MED15: variants seen among roughly 807,000 people sequenced by gnomAD.
MED15 encodes mediator of RNA polymerase II transcription subunit 15.
Under a neutral mutation model 118.7 loss-of-function variants are expected in MED15, and 41 were observed. That is an observed-to-expected ratio of 0.35 (90% CI 0.27 to 0.45). MED15 has a LOEUF of 0.45. Ranked by LOEUF, MED15 falls within the 20% of genes least tolerant of loss-of-function variation. The pLI is 1.00. For synonymous variants in MED15, 436 were observed against 413.9 expected, an observed-to-expected ratio of 1.05 and a Z score of -0.65; for missense variants, 740 against 1,025.5, an observed-to-expected ratio of 0.72 and a Z score of 3.80.
chr22:20,575,354 C>A, intron 9 of MED15, 122 bp downstream of exon 9: 2 of 1,264,358 alleles, frequency 1.6e-6, no homozygotes, highest in South Asian at 1.7e-5. Context: ...TTCAGAGTGC[C>A]AAACCCACAG....
chr22:20,535,535 C>T (rs2146436873), intron 1 of MED15, among the ~76,000 whole-genome samples: 1 of 151,948 alleles, frequency 6.6e-6, no homozygotes, highest in South Asian at 2.1e-4. Context: ...GACATGTTTG[C>T]TTGTTTCTTT....
chr22:20,583,079 G>A (rs545787451), intron 11 of MED15, 34 bp from the exon 12 acceptor site: 70 of 1,562,094 alleles, frequency 4.5e-5, no homozygotes, highest in South Asian at 7.0e-5. Flanking sequence ...CCCGAGGGTC[G>A]AGGGCTGTGG....
At chr22:20,556,475 T>A (rs1014826958) in intron 5 of MED15, among the ~76,000 whole-genome samples, 8 of 152,090 alleles carry the variant, frequency 5.3e-5, no homozygotes, top group African/African-American at 1.9e-4. Flanking sequence ...TAATTTTATA[T>A]TTTTAGTGGA....
intron 6 of MED15, 108 bp from the exon 7 acceptor site, chr22:20,566,359 C>A: frequency 6.4e-7 from 1 of 1,550,668 alleles, no homozygotes; most frequent in Non-Finnish European, 8.7e-7. Flanking sequence ...TTCTTGATGG[C>A]TCTGCAGATG....
chr22:20,560,261 C>CTATTATTAT lies in MED15; in HGVS notation c.452-4174_452-4166dup, dbSNP rs141805630. ...TTCCAAGCACTATTTCATTTCTTTTCTATTATTATTATTATTATTATTAAG... is the reference window on the plus strand; with the variant it reads ...TTCCAAGCACTATTTCATTTCTTTTCTATTATTATTATTATTATTATTATTATTATTAAG... On this transcript the variant is annotated intron_variant, in intron 5 of 17. Coordinates refer to ENST00000263205, the MANE Select transcript of MED15 (RefSeq NM_001003891.3). Among the ~76,000 whole-genome samples the CTATTATTAT allele has an allele frequency of 1.2e-3, 182 of 151,428 alleles. 2 individuals are homozygous for CTATTATTAT. Among genetic ancestry groups the CTATTATTAT allele is most frequent in the East Asian group, 8.6e-3 (44 of 5,104 alleles).
At chr22:20,558,491 G>T (rs1193159717) in intron 5 of MED15, among the ~76,000 whole-genome samples, 1 of 152,126 alleles carries the variant, frequency 6.6e-6, no homozygotes, top group Non-Finnish European at 1.5e-5. Flanking sequence ...TTCACTCTGC[G>T]CATTTTTGTT....
rs1046198236 is a variant in MED15 at position 20,507,649 on chromosome 22, G to A, written c.-30G>A. 1.9e-6 allele frequency: 3 copies of A among 1,613,694 alleles called. No individual in the cohort carries two copies. The highest frequency in any genetic ancestry group is 2.5e-6 in the Non-Finnish European group (3 of 1,179,734). On this transcript the variant is annotated 5_prime_UTR_variant, in exon 1 of 18. Transcript: ENST00000263205. ...GGCGGCGGCGGTGGCGGCCAAGCGG[G>A]ATACGGGCGGCGGGAGCTGGGGAAC...
chr22:20,585,371 T>C, intron 16 of MED15, 104 bp downstream of exon 16: 1 of 1,439,012 alleles, frequency 6.9e-7, no homozygotes, highest in East Asian at 2.3e-5. Flanking sequence ...GAACCCACCC[T>C]GTGTTCACGC....
chr22:20,570,466 ACTGCAACTT>A (rs1327144369), intron 8 of MED15, among the ~76,000 whole-genome samples: 1 of 146,766 alleles, frequency 6.8e-6, no homozygotes, highest in Non-Finnish European at 1.5e-5. Context: ...ATCTCGGCTC[ACTGCAACTT>A]CTGCCTCCTG....
chr22:20,555,820 C>G (rs949822854), intron 5 of MED15, among the ~76,000 whole-genome samples: 1 of 152,254 alleles, frequency 6.6e-6, no homozygotes, highest in African/African-American at 2.4e-5. Flanking sequence ...ATCCTGGGCT[C>G]AGGTGATCCT....
intron 4 of MED15, among the ~76,000 whole-genome samples, chr22:20,553,654 G>C (rs760381798): frequency 6.6e-6 from 1 of 152,084 alleles, no homozygotes; most frequent in African/African-American, 2.4e-5. Context: ...AGGCAGATCA[G>C]TTGAGGTCAG....
chr22:20,572,440 C>T (rs904867030), intron 8 of MED15, among the ~76,000 whole-genome samples: 1 of 152,246 alleles, frequency 6.6e-6, no homozygotes, highest in Non-Finnish European at 1.5e-5. Context: ...CCCTGTCAGG[C>T]CCTTGCAGTA....
At chr22:20,559,772 T>TC (rs1414434390) in intron 5 of MED15, among the ~76,000 whole-genome samples, 1 of 152,224 alleles carries the variant, frequency 6.6e-6, no homozygotes, top group African/African-American at 2.4e-5. Flanking sequence ...AAACCTAGCC[T>TC]TAGAGACCAT....
intron 1 of MED15, among the ~76,000 whole-genome samples, chr22:20,530,065 A>G (rs1271476001): frequency 2.0e-5 from 3 of 152,134 alleles, no homozygotes; most frequent in Admixed American, 1.3e-4. Context: ...TTTCCTTTAT[A>G]GTGTCTGCTT....
chr22:20,544,350 T>TGTGGCAAGCTATA (rs2146482160), intron 2 of MED15, among the ~76,000 whole-genome samples: 1 of 152,286 alleles, frequency 6.6e-6, no homozygotes, highest in South Asian at 2.1e-4. Context: ...AACACGTTAC[T>TGTGGCAAGCTATA]ACAAGCTTGG....
At chr22:20,572,611 C>T (rs954111230) in intron 8 of MED15, among the ~76,000 whole-genome samples, 2 of 146,650 alleles carry the variant, frequency 1.4e-5, no homozygotes, top group Non-Finnish European at 3.0e-5. Context: ...CAGCAGACTT[C>T]TTTTTCTCCC....
intron 2 of MED15, among the ~76,000 whole-genome samples, chr22:20,550,265 G>A (rs909992074): frequency 2.0e-5 from 3 of 152,174 alleles, no homozygotes; most frequent in Non-Finnish European, 2.9e-5. Flanking sequence ...GGGGATAGCC[G>A]GAAGCTGGGC....
rs1372653414 is a variant in MED15, at chr22:20,508,008, C to G, written c.68+262C>G. On this transcript the variant is annotated intron_variant, in intron 1 of 17. Coordinates refer to ENST00000263205, the MANE Select transcript of MED15 (RefSeq NM_001003891.3). ...CATCGTCTTGAGCTTTCTCATTCGT[C>G]ATTTGTGTGCTTTGGGTGCAGACTT... 3 of 1,417,392 alleles carry G rather than the reference C, an allele frequency of 2.1e-6. No individual in the cohort carries two copies. In the African/African-American group the frequency reaches 4.3e-5, roughly 20 times the overall value. 87.8% of individuals were successfully genotyped at this position (1,417,392 alleles called of 1,614,324 possible). A position where few individuals can be genotyped will look rare whatever the true frequency, so the allele number is the denominator to read the frequency against.
At position 20,547,978 on chromosome 22, in the gene MED15, C is replaced by T. The variant is rs116749990; in HGVS notation, c.157-3458C>T. Reference sequence around the variant, plus strand: ...TCGCGTCACTGCACTCCAGCCAGGGCGACAGAGTGAGACCCCATCTCAAAA... The same window carrying T: ...TCGCGTCACTGCACTCCAGCCAGGGTGACAGAGTGAGACCCCATCTCAAAA... On this transcript the variant is annotated intron_variant, in intron 2 of 17. Coordinates refer to ENST00000263205, the MANE Select transcript of MED15 (RefSeq NM_001003891.3). 6.1e-3 allele frequency among the ~76,000 whole-genome samples: 933 copies of T among 152,024 alleles called. 10 individuals carry two copies. The highest frequency in any genetic ancestry group is 0.021 in the African/African-American group (887 of 41,454).
Sources: gnomAD v4.1 joint callset for allele counts (sites outside exome capture counted in the v4.1 genomes callset) on GRCh38, gnomAD v4.1.1 for gene constraint, MANE v1.5 for transcripts, NCBI Gene and HGNC (gene_info 2026-07-23, HGNC 2026-07-21) for gene names.